Variants in PDE1A observed in about 807,000 individuals in gnomAD.
PDE1A encodes phosphodiesterase 1A, also known as dual specificity calcium/calmodulin-dependent 3',5'-cyclic nucleotide phosphodiesterase 1A.
A neutral mutation model predicts 61.7 loss-of-function variants in PDE1A; 35 were observed. That is an observed-to-expected ratio of 0.57 (90% CI 0.43 to 0.75). The LOEUF is 0.75. Ranked by LOEUF, PDE1A falls within the 30% of genes least tolerant of loss-of-function variation. The pLI is 0.00. For missense variants in PDE1A, 597 were observed against 630.6 expected, an observed-to-expected ratio of 0.95 and a Z score of 0.57; for synonymous variants, 232 against 213.2, an observed-to-expected ratio of 1.09 and a Z score of -0.77.
intron 7 of PDE1A, 22 bp from the exon 8 acceptor site, chr2:182,206,087 C>A (rs1313241691): frequency 1.9e-6 from 3 of 1,591,654 alleles, no homozygotes; most frequent in Admixed American, 1.8e-5. Flanking sequence ...AAACAAAATG[C>A]CCAACAGAGG....
At chr2:182,492,381 A>G (rs183831767) in intron 2 of PDE1A, among the ~76,000 whole-genome samples, 1 of 152,346 alleles carries the variant, frequency 6.6e-6, no homozygotes, top group African/African-American at 2.4e-5. Context: ...TAAATATGAT[A>G]GAAGCTCAGT....
chr2:182,457,577 C>T lies in PDE1A; in HGVS notation c.101+64699G>A, dbSNP rs573795607. ...AAAAGGTCCTTTGGACAGTATAATG[C>T]CAAAGTAGATTAATGCTGATGTATG... On this transcript the variant is annotated intron_variant, in intron 2 of 14. Transcript: ENST00000410103. Among the ~76,000 whole-genome samples, 7 of 151,800 alleles carry T rather than the reference C, an allele frequency of 4.6e-5. No homozygotes were observed. The South Asian group carries it at 1.0e-3, about 23-fold the overall frequency.
intron 1 of PDE1A, among the ~76,000 whole-genome samples, chr2:182,351,099 T>G (rs1457548325): frequency 6.6e-6 from 1 of 152,206 alleles, no homozygotes; most frequent in African/African-American, 2.4e-5. Context: ...TTGGGATAAT[T>G]TGAAGAAAAA....
chr2:182,212,151 A>G (rs894327762), intron 7 of PDE1A, among the ~76,000 whole-genome samples: 1 of 151,936 alleles, frequency 6.6e-6, no homozygotes, highest in African/African-American at 2.4e-5. Flanking sequence ...TTTTATAAAT[A>G]GATAATTTTC....
intron 10 of PDE1A, among the ~76,000 whole-genome samples, 182 bp from the exon 11 acceptor site, chr2:182,189,242 T>C (rs1056471447): frequency 1.1e-4 from 16 of 152,312 alleles, no homozygotes; most frequent in African/African-American, 3.4e-4. Flanking sequence ...ATGGTCTCCA[T>C]TTGGGGACAT....
upstream of PDE1A, among the ~76,000 whole-genome samples, chr2:182,527,305 A>T (rs1272158872): frequency 7.2e-4 from 7 of 9,728 alleles, no homozygotes; most frequent in African/African-American, 1.1e-3. Context: ...TTTCTCTATA[A>T]AAAAAAAAAA....
At chr2:182,226,325 A>G (rs1490730324) in intron 6 of PDE1A, among the ~76,000 whole-genome samples, 1 of 149,790 alleles carries the variant, frequency 6.7e-6, no homozygotes, top group Admixed American at 6.6e-5. Flanking sequence ...TTATAAATAC[A>G]TTTCCTGTTT....
chr2:182,184,146 CAGAG>C (rs1193211284), intron 13 of PDE1A, among the ~76,000 whole-genome samples: 1 of 151,396 alleles, frequency 6.6e-6, no homozygotes, highest in Non-Finnish European at 1.5e-5. Context: ...AAGGAGAGAA[CAGAG>C]AGAAAGAGGC....
At chr2:182,687,423 C>T in the PDE1A span, among the ~76,000 whole-genome samples, 3 of 152,164 alleles carry the variant, frequency 2.0e-5, no homozygotes, top group South Asian at 2.1e-4. Flanking sequence ...AGGCAAACAG[C>T]GTCTGGAGTG....
intron 2 of PDE1A, among the ~76,000 whole-genome samples, chr2:182,480,377 C>A (rs62190684): frequency 0.15 from 22,754 of 151,818 alleles, 2,123 homozygotes; most frequent in Middle Eastern, 0.29. Context: ...GTTCAGAGAG[C>A]CCAGCCTGTT....
At chr2:182,190,660 T>C (rs921409695) in intron 10 of PDE1A, among the ~76,000 whole-genome samples, 3 of 152,102 alleles carry the variant, frequency 2.0e-5, no homozygotes, top group Non-Finnish European at 4.4e-5. Flanking sequence ...GTTTAGCTAA[T>C]AAGAAACATA....
At chr2:182,301,149 T>C (rs1258426589) in intron 1 of PDE1A, among the ~76,000 whole-genome samples, 1 of 152,188 alleles carries the variant, frequency 6.6e-6, no homozygotes. Flanking sequence ...AGAACCCATA[T>C]TACAGCAAAG....
At chr2:182,685,051 G>A in the PDE1A span, among the ~76,000 whole-genome samples, 4 of 149,840 alleles carry the variant, frequency 2.7e-5, no homozygotes, top group South Asian at 8.4e-4. Flanking sequence ...CAGCACTGTG[G>A]TTATTCTGAA....
rs564852409 is a variant in PDE1A, at chr2:182,193,764, A to T, written c.1126-4704T>A. On this transcript the variant is annotated intron_variant, in intron 10 of 13. Transcript: ENST00000351439. ...TATAAATATTTTATGGAATATTAGA[A>T]CCCCTGGTGTAATCGGTGTTTATAG... Among the ~76,000 whole-genome samples, 164 of 152,246 alleles carry T rather than the reference A, an allele frequency of 1.1e-3. 2 individuals are homozygous for T. Among genetic ancestry groups the T allele is most frequent in the Non-Finnish European group, 1.7e-3 (117 of 67,986 alleles).
rs570800681 is a variant in PDE1A at position 182,212,745 on chromosome 2, G to T, written c.777-6680C>A. Among the ~76,000 whole-genome samples, 32 of 152,322 alleles carry T rather than the reference G, an allele frequency of 2.1e-4. No homozygotes were observed. In the South Asian group the frequency reaches 6.4e-3, roughly 31 times the overall value. On this transcript the variant is annotated intron_variant, in intron 7 of 13. Coordinates refer to ENST00000351439, the Ensembl canonical transcript of PDE1A. ...ATGGCGCACCACGAGATTATATCCC[G>T]CACCTGGCTCGGAGGGTCCTATGCC...
chr2:182,527,741 A>C (rs1690799102), upstream of PDE1A, among the ~76,000 whole-genome samples: 1 of 152,014 alleles, frequency 6.6e-6, no homozygotes, highest in Non-Finnish European at 1.5e-5. Context: ...AGCTCCCATA[A>C]TTCCCATGTG....
At chr2:182,242,865 C>T (rs1172913369) in intron 2 of PDE1A, among the ~76,000 whole-genome samples, 1 of 150,728 alleles carries the variant, frequency 6.6e-6, no homozygotes. Flanking sequence ...CGCTCTCTCT[C>T]TCCTCTCTCC....
At chr2:182,445,068 A>C (rs1256536536) in intron 2 of PDE1A, among the ~76,000 whole-genome samples, 2 of 152,136 alleles carry the variant, frequency 1.3e-5, no homozygotes, top group African/African-American at 4.8e-5. Flanking sequence ...GCATGATGTG[A>C]TGGTTGAGCA....
the PDE1A span, among the ~76,000 whole-genome samples, chr2:182,639,701 A>G: frequency 6.6e-6 from 1 of 152,062 alleles, no homozygotes; most frequent in African/African-American, 2.4e-5. Context: ...TGAAATGAAA[A>G]CAAAATTTAA....
Sources: gnomAD v4.1 joint callset for allele counts (sites outside exome capture counted in the v4.1 genomes callset) on GRCh38, gnomAD v4.1.1 for gene constraint, MANE v1.5 for transcripts, NCBI Gene and HGNC (gene_info 2026-07-23, HGNC 2026-07-21) for gene names.